Variants in LRRC69 observed in about 807,000 individuals in gnomAD.
The protein encoded by LRRC69 is leucine rich repeat containing 69.
A neutral mutation model predicts 37.8 loss-of-function variants in LRRC69; 42 were observed. The observed-to-expected ratio is 1.11, with a 90% CI of 0.87 to 1.44. LRRC69 has a LOEUF of 1.44. Ranked by LOEUF, LRRC69 falls within the 40% of genes most tolerant of loss-of-function variation. LRRC69 has a pLI of 0.00. For missense variants in LRRC69, 357 were observed against 401.9 expected, an observed-to-expected ratio of 0.89 and a Z score of 0.96; for synonymous variants, 141 against 143.1, an observed-to-expected ratio of 0.99 and a Z score of 0.11.
chr8:91,163,609 G>C (rs1421484153), intron 5 of LRRC69, among the ~76,000 whole-genome samples: 1 of 151,240 alleles, frequency 6.6e-6, no homozygotes, highest in African/African-American at 2.4e-5. Flanking sequence ...TTGCTTTCCT[G>C]TTCCACTTAT....
intron 7 of LRRC69, chr8:91,206,748 C>T: frequency 7.8e-7 from 1 of 1,289,644 alleles, no homozygotes; most frequent in Non-Finnish European, 1.0e-6. Context: ...ACTGAGTGTG[C>T]ATCTGGTGCT....
At chr8:91,141,332 C>T (rs1563602201) in intron 5 of LRRC69, among the ~76,000 whole-genome samples, 1 of 152,074 alleles carries the variant, frequency 6.6e-6, no homozygotes, top group Non-Finnish European at 1.5e-5. Context: ...TTGTGGCCCA[C>T]TCTAATCCAT....
At chr8:91,155,882 C>T (rs925298560) in intron 5 of LRRC69, among the ~76,000 whole-genome samples, 1 of 143,070 alleles carries the variant, frequency 7.0e-6, no homozygotes, top group Admixed American at 6.9e-5. Context: ...TATATATATA[C>T]ACAACATATA....
intron 1 of LRRC69, among the ~76,000 whole-genome samples, chr8:91,107,138 A>G (rs925235738): frequency 4.1e-5 from 6 of 145,130 alleles, no homozygotes; most frequent in Non-Finnish European, 7.5e-5. Context: ...TATTATTGTT[A>G]TTATTATTAT....
intron 5 of LRRC69, chr8:91,158,039 A>G (rs1046997871): frequency 1.5e-6 from 2 of 1,352,060 alleles, no homozygotes; most frequent in African/African-American, 1.4e-5. Flanking sequence ...AGTCAAAATT[A>G]TCTTTAAAAA....
Position 91,200,812 on chromosome 8 carries a change from C to A in LRRC69, c.933+20C>A, listed in dbSNP as rs183690151. On this transcript the variant is annotated intron_variant, in intron 7 of 7. Coordinates refer to ENST00000448384, the Ensembl canonical transcript of LRRC69. ...CCAAAGGTAAATGATGCTTTTTATG[C>A]GAATATGAGCATAATACTGATTCCT... 2 of 1,514,974 alleles carry A rather than the reference C, an allele frequency of 1.3e-6. No homozygotes were observed. The highest frequency in any genetic ancestry group is 1.8e-6 in the Non-Finnish European group (2 of 1,131,196). The allele number at this position is 1,514,974 out of a possible 1,614,324, so 93.8% of individuals were successfully genotyped here.
intron 6 of LRRC69, among the ~76,000 whole-genome samples, chr8:91,197,657 C>T (rs555546174): frequency 1.3e-5 from 2 of 152,212 alleles, no homozygotes; most frequent in African/African-American, 2.4e-5. Flanking sequence ...AACTCCCTGA[C>T]CCCTTGCGCT....
chr8:91,179,193 G>A (rs1343583320), intron 5 of LRRC69, among the ~76,000 whole-genome samples: 2 of 152,170 alleles, frequency 1.3e-5, no homozygotes, highest in Non-Finnish European at 2.9e-5. Flanking sequence ...AAGAAAAGCG[G>A]TTTTATTGAC....
intron 6 of LRRC69, among the ~76,000 whole-genome samples, chr8:91,196,606 C>T (rs373454466): frequency 0.011 from 1,621 of 151,628 alleles, 30 homozygotes; most frequent in African/African-American, 0.035. Context: ...CATCTTCCAT[C>T]GCTGATACCC....
intron 5 of LRRC69, among the ~76,000 whole-genome samples, chr8:91,183,562 T>C (rs1447142061): frequency 6.6e-6 from 1 of 151,896 alleles, no homozygotes; most frequent in Non-Finnish European, 1.5e-5. Context: ...GCGTACTGAG[T>C]GTGGAACCAG....
intron 5 of LRRC69, among the ~76,000 whole-genome samples, chr8:91,173,532 A>G (rs4624988): frequency 0.67 from 101,538 of 151,630 alleles, 34,398 homozygotes; most frequent in Middle Eastern, 0.74. Flanking sequence ...AACTGAAAGT[A>G]CTTGTATCAA....
chr8:91,140,404 AATTC>A (rs1808511361), intron 5 of LRRC69, among the ~76,000 whole-genome samples: 1 of 151,950 alleles, frequency 6.6e-6, no homozygotes, highest in Admixed American at 6.6e-5. Flanking sequence ...TTTTTCTGGT[AATTC>A]ATTCATTGTA....
intron 5 of LRRC69, among the ~76,000 whole-genome samples, chr8:91,183,881 G>A (rs2130602095): frequency 6.6e-6 from 1 of 152,268 alleles, no homozygotes; most frequent in East Asian, 1.9e-4. Context: ...GACCCAGAAA[G>A]GTTTTGTAAG....
chr8:91,133,818 G>A (rs1178987762), intron 4 of LRRC69, among the ~76,000 whole-genome samples: 1 of 151,796 alleles, frequency 6.6e-6, no homozygotes, highest in Non-Finnish European at 1.5e-5. Flanking sequence ...TAATTTAGTA[G>A]AGACGGGGCT....
Position 91,129,009 on chromosome 8 carries a change from A to C in LRRC69, c.383+1849A>C, listed in dbSNP as rs114873594. On this transcript the variant is annotated intron_variant, in intron 3 of 7. Transcript: ENST00000448384. ...TTTGATTTCCTTCTCTCTAAATTCC[A>C]TATCTTATTTCTCAATTTATTTAGA... Among the ~76,000 whole-genome samples, 367 of 152,160 alleles carry C rather than the reference A, an allele frequency of 2.4e-3. 4 individuals carry two copies. Among genetic ancestry groups the C allele is most frequent in the African/African-American group, 8.5e-3 (352 of 41,568 alleles).
At chr8:91,134,911 T>G (rs1035617880) in intron 4 of LRRC69, among the ~76,000 whole-genome samples, 1 of 152,078 alleles carries the variant, frequency 6.6e-6, no homozygotes, top group African/African-American at 2.4e-5. Context: ...TTTTTAAACC[T>G]TCATTGAATA....
In LRRC69 at chr8:91,174,501, T is replaced by C. The variant is rs1809190676; in HGVS notation, c.652-15021T>C. Among the ~76,000 whole-genome samples, 2 of 152,224 alleles carry C rather than the reference T, an allele frequency of 1.3e-5. 1 individual carries two copies. The highest frequency in any genetic ancestry group is 1.3e-4 in the Admixed American group (2 of 15,286). On this transcript the variant is annotated intron_variant, in intron 5 of 7. Coordinates refer to ENST00000448384, the Ensembl canonical transcript of LRRC69. ...GACATTCTTTCTGCAGTCTCCATCATGAATCTGACCACTCAAGTTTTAATT... is the reference window on the plus strand; with the variant it reads ...GACATTCTTTCTGCAGTCTCCATCACGAATCTGACCACTCAAGTTTTAATT...
intron 7 of LRRC69, among the ~76,000 whole-genome samples, chr8:91,217,234 G>T (rs1481004779): frequency 2.0e-5 from 3 of 152,068 alleles, no homozygotes; most frequent in African/African-American, 7.2e-5. Context: ...CTTATAATTT[G>T]TCAGGACTCG....
rs538329927 is a variant in LRRC69, at chr8:91,173,170, G to A, written c.652-16352G>A. Among the ~76,000 whole-genome samples, 535 of 152,062 alleles carry A rather than the reference G, an allele frequency of 3.5e-3. 1 individual carries two copies. The highest frequency in any genetic ancestry group is 0.012 in the African/African-American group (506 of 41,534). On this transcript the variant is annotated intron_variant, in intron 5 of 7. Coordinates refer to ENST00000448384, the Ensembl canonical transcript of LRRC69. ...ATAGGAGGAATAGTGTGGCTATGGG[G>A]TAGAGTAGGTAGTCTAGTCCACAGA...
Sources: allele counts gnomAD v4.1 joint callset (sites outside exome capture counted in the v4.1 genomes callset), GRCh38; gene constraint gnomAD v4.1.1; transcripts MANE v1.5; gene names NCBI Gene and HGNC (gene_info 2026-07-23, HGNC 2026-07-21).